The following MZT2B variants were observed in gnomAD, a reference collection of about 807,000 sequenced individuals.
MZT2B encodes the protein mitotic spindle organizing protein 2B.
A neutral mutation model predicts 12.1 loss-of-function variants in MZT2B; 11 were observed. That is an observed-to-expected ratio of 0.91 (90% CI 0.57 to 1.50). MZT2B has a LOEUF of 1.50. Ranked by LOEUF, MZT2B falls within the 40% of genes most tolerant of loss-of-function variation. MZT2B has a pLI of 0.00. For missense variants in MZT2B, 209 were observed against 227.7 expected (o/e 0.92, Z 0.53); for synonymous variants, 85 against 109.5 (o/e 0.78, Z 1.40).
chr2:130,187,697 A>G (rs1203217769), intron 2 of MZT2B, among the ~76,000 whole-genome samples: 1 of 152,152 alleles, frequency 6.6e-6, no homozygotes, highest in Non-Finnish European at 1.5e-5. Context: ...CCCCACTGCA[A>G]GGCACTGCAG....
At chr2:130,204,133 T>C in the MZT2B span, 3 of 1,273,004 alleles carry the variant, frequency 2.4e-6, no homozygotes, top group Non-Finnish European at 3.1e-6. Context: ...AGACCTTTGT[T>C]AAGCAAACAT....
chr2:130,196,049 C>T, the MZT2B span: 1 of 1,358,844 alleles, frequency 7.4e-7, no homozygotes, highest in Non-Finnish European at 9.9e-7. Context: ...CCTGTCTATC[C>T]CATCCTTTCA....
chr2:130,203,761 C>T, the MZT2B span, among the ~76,000 whole-genome samples: 1 of 152,200 alleles, frequency 6.6e-6, no homozygotes, highest in Admixed American at 6.5e-5. Flanking sequence ...ATCTTCAGCA[C>T]TTTGCCTATG....
downstream of MZT2B, chr2:130,193,933 G>A (rs1466352835): frequency 6.2e-7 from 1 of 1,614,108 alleles, no homozygotes; most frequent in African/African-American, 1.3e-5. Flanking sequence ...GGTCACACTT[G>A]ACCATCTGAT....
chr2:130,190,741 G>A (rs1020961267), downstream of MZT2B: 58 of 1,215,708 alleles, frequency 4.8e-5, no homozygotes, highest in Admixed American at 1.2e-4. Context: ...GTTGTCTACC[G>A]TTTTTTTTTT....
At chr2:130,196,671 C>T in the MZT2B span, among the ~76,000 whole-genome samples, 2 of 152,274 alleles carry the variant, frequency 1.3e-5, no homozygotes, top group Admixed American at 1.3e-4. Context: ...CACATTATAG[C>T]CCGTCACAGT....
intron 2 of MZT2B, chr2:130,184,420 T>G: frequency 1.0e-6 from 1 of 985,452 alleles, no homozygotes; most frequent in Non-Finnish European, 1.2e-6. Flanking sequence ...AGATGCCATA[T>G]GCTGGCCCCG....
downstream of MZT2B, chr2:130,190,748 T>G (rs114232766): frequency 9.3e-3 from 11,826 of 1,271,434 alleles, 749 homozygotes; most frequent in Admixed American, 0.034. Flanking sequence ...ACCGTTTTTT[T>G]TTTTTGTTTT....
At chr2:130,193,875 C>T (rs143917892), downstream of MZT2B, 74 of 1,614,064 alleles carry the variant, frequency 4.6e-5, no homozygotes, top group South Asian at 7.7e-5. Flanking sequence ...TTGGGGACCA[C>T]GTCCCCCCTG....
At chr2:130,195,051 A>G (rs1374035757), downstream of MZT2B, 2 of 1,611,030 alleles carry the variant, frequency 1.2e-6, no homozygotes, top group South Asian at 1.1e-5. Flanking sequence ...ATGCAAGACA[A>G]TGGCCACATG....
chr2:130,190,526 G>T lies in MZT2B; in HGVS notation c.377G>T (p.Ser126Ile), dbSNP rs3174959. Residue 126 changes from serine to isoleucine, a missense_variant, in exon 3 of 3, where the codon AGC becomes ATC. Coordinates refer to ENST00000281871, the MANE Select transcript of MZT2B (RefSeq NM_025029.5). ...GCATTGGCCCTGGCGGAACGCAGCA[G>T]CCGCGAAGGATCCAGCCAGAGGATG... Reference protein sequence around the residue: ...GGALALAERSSREGSSQRMPR... With the variant: ...GGALALAERSIREGSSQRMPR... The T allele has an allele frequency of 1.9e-6, 3 of 1,613,866 alleles. No individual in the cohort carries two copies. The highest frequency in any genetic ancestry group is 2.5e-6 in the Non-Finnish European group (3 of 1,180,008).
downstream of MZT2B, chr2:130,194,938 A>G (rs143640640): frequency 3.2e-3 from 4,684 of 1,482,918 alleles, 99 homozygotes; most frequent in African/African-American, 0.056. Context: ...TTAGCCTCTC[A>G]AAGTGCTGGG....
At chr2:130,182,256 G>A (rs1352160098), upstream of MZT2B, 8 of 1,283,882 alleles carry the variant, frequency 6.2e-6, no homozygotes, top group East Asian at 6.7e-5. Context: ...CGGCGGGGCG[G>A]AGCGCACCTT....
chr2:130,182,154 C>G (rs983461661), upstream of MZT2B: 2 of 1,260,286 alleles, frequency 1.6e-6, no homozygotes, highest in African/African-American at 3.1e-5. Flanking sequence ...GCGGCCCCGT[C>G]CCCGCGCTCC....
At chr2:130,202,376 G>A in the MZT2B span, 3 of 1,290,676 alleles carry the variant, frequency 2.3e-6, no homozygotes, top group Non-Finnish European at 3.0e-6. Context: ...ATTTCACACA[G>A]CAGCTACGGG....
the MZT2B span, chr2:130,204,469 T>C: frequency 2.9e-6 from 1 of 349,964 alleles, no homozygotes; most frequent in Non-Finnish European, 5.8e-6. Flanking sequence ...GGCGGGTGGA[T>C]GGCCTGAGGT....
Position 130,190,357 on chromosome 2 carries a change from G to A in MZT2B, c.320-112G>A, listed in dbSNP as rs112966516. 2,040 of 1,497,604 alleles carry A rather than the reference G, an allele frequency of 1.4e-3. 20 individuals carry two copies. In the African/African-American group the frequency reaches 0.024, roughly 17 times the overall value. 92.8% of individuals were successfully genotyped at this position (1,497,604 alleles called of 1,614,324 possible). A position where few individuals can be genotyped will look rare whatever the true frequency, so the allele number is the denominator to read the frequency against. On this transcript the variant is annotated intron_variant, in intron 2 of 2. Coordinates refer to ENST00000281871, the MANE Select transcript of MZT2B (RefSeq NM_025029.5). The stretch of plus-strand genomic sequence containing the variant: ...CTGATGCAGGGCCTCTAGCTGAAGG[G>A]ACTTTGATGGAAATGTGCAGACACA...
chr2:130,202,873 G>C, the MZT2B span, among the ~76,000 whole-genome samples: 1 of 152,138 alleles, frequency 6.6e-6, no homozygotes, highest in Non-Finnish European at 1.5e-5. Context: ...CCTGCTCTTA[G>C]AAGGGGCATC....
the MZT2B span, chr2:130,195,998 A>G: frequency 5.0e-6 from 7 of 1,398,230 alleles, no homozygotes; most frequent in African/African-American, 1.5e-5. Flanking sequence ...CTTTCATCAC[A>G]AACCTTTCAG....
Sources: gnomAD v4.1 joint callset for allele counts (sites outside exome capture counted in the v4.1 genomes callset) on GRCh38, gnomAD v4.1.1 for gene constraint, MANE v1.5 for transcripts, NCBI Gene and HGNC (gene_info 2026-07-23, HGNC 2026-07-21) for gene names.